NEDD4L: variants seen among roughly 807,000 people sequenced by gnomAD.
NEDD4L encodes E3 ubiquitin-protein ligase NEDD4-like.
NEDD4L carries 54 observed loss-of-function variants against 148.9 expected under a neutral mutation model. The ratio of observed to expected loss-of-function variants is 0.36; its 90% CI spans 0.29 to 0.45. The LOEUF is 0.45. Among genes scored for constraint, NEDD4L ranks in the 20% least tolerant of loss-of-function variants. The pLI, the probability that NEDD4L is intolerant of heterozygous loss-of-function variation, is 1.00. For synonymous variants in NEDD4L, 433 were observed against 440.7 expected (o/e 0.98, Z 0.22); for missense variants, 856 against 1,233.8 (o/e 0.69, Z 4.59).
intron 1 of NEDD4L, among the ~76,000 whole-genome samples, chr18:58,055,148 G>A (rs1330403211): frequency 6.6e-6 from 1 of 152,104 alleles, no homozygotes; most frequent in Admixed American, 6.6e-5. Flanking sequence ...GTGGTTAAGT[G>A]TTTATATGTA....
intron 26 of NEDD4L, 54 bp from the exon 27 acceptor site, chr18:58,387,383 AAT>A: frequency 7.0e-7 from 1 of 1,426,638 alleles, no homozygotes; most frequent in South Asian, 1.4e-5. Flanking sequence ...TTTCCTGTGA[AAT>A]TTTTTTTTTT....
At chr18:58,200,076 AC>A (rs1488283400) in intron 2 of NEDD4L, among the ~76,000 whole-genome samples, 3 of 152,186 alleles carry the variant, frequency 2.0e-5, no homozygotes, top group African/African-American at 7.2e-5. Context: ...AGTCAATCTT[AC>A]TGTTTTCTTT....
At chr18:58,094,599 C>T (rs2084272107) in intron 1 of NEDD4L, among the ~76,000 whole-genome samples, 1 of 152,178 alleles carries the variant, frequency 6.6e-6, no homozygotes, top group Non-Finnish European at 1.5e-5. Flanking sequence ...CTGGAATACC[C>T]CCATTCTCCC....
intron 2 of NEDD4L, among the ~76,000 whole-genome samples, chr18:58,187,087 A>C (rs918538479): frequency 6.6e-6 from 1 of 152,246 alleles, no homozygotes; most frequent in Non-Finnish European, 1.5e-5. Context: ...AAGGCCACTC[A>C]GTAGGAAGGG....
At chr18:58,078,890 G>A (rs141079353) in intron 1 of NEDD4L, among the ~76,000 whole-genome samples, 5 of 152,254 alleles carry the variant, frequency 3.3e-5, no homozygotes, top group East Asian at 3.9e-4. Flanking sequence ...TGCAATGGGC[G>A]GAACTGGGCT....
intron 5 of NEDD4L, among the ~76,000 whole-genome samples, chr18:58,258,647 G>C (rs2048924890): frequency 6.6e-6 from 1 of 152,216 alleles, no homozygotes; most frequent in Non-Finnish European, 1.5e-5. Flanking sequence ...TTTTCTTGGA[G>C]AGTAAGTTCC....
chr18:58,387,403 A>C, intron 26 of NEDD4L, 36 bp from the exon 27 acceptor site: 1 of 1,499,196 alleles, frequency 6.7e-7, no homozygotes, highest in Non-Finnish European at 8.8e-7. Flanking sequence ...TTTTGAAGGC[A>C]ATAGGTGTTT....
chr18:58,294,293 G>T (rs1044591996), intron 5 of NEDD4L, among the ~76,000 whole-genome samples: 1 of 152,148 alleles, frequency 6.6e-6, no homozygotes, highest in African/African-American at 2.4e-5. Context: ...TCTTATCAAG[G>T]CTATTGAATT....
chr18:58,383,756 G>T (rs2048650344), intron 25 of NEDD4L, among the ~76,000 whole-genome samples: 1 of 152,202 alleles, frequency 6.6e-6, no homozygotes, highest in African/African-American at 2.4e-5. Flanking sequence ...TGGATAGGAA[G>T]AATTCAGCAT....
At chr18:58,208,594 T>C (rs2042204336) in intron 2 of NEDD4L, among the ~76,000 whole-genome samples, 1 of 152,244 alleles carries the variant, frequency 6.6e-6, no homozygotes, top group African/African-American at 2.4e-5. Context: ...CAGCTTTGCT[T>C]CTGGCCTTAG....
Position 58,309,270 on chromosome 18 carries a change from C to T in NEDD4L, c.298-6712C>T, listed in dbSNP as rs190378438. Among the ~76,000 whole-genome samples, 82 of 152,316 alleles carry T rather than the reference C, an allele frequency of 5.4e-4. 1 individual carries two copies. The highest frequency in any genetic ancestry group is 3.4e-3 in the Middle Eastern group (1 of 294). ...CAGCCGGATGCTCCCGTGCTGGCCA[C>T]TCCTGTCATCCCTGCTCTGTCCTCC... On this transcript the variant is annotated intron_variant, in intron 5 of 30. Transcript: ENST00000400345.
chr18:58,106,064 G>A (rs1411741688), intron 1 of NEDD4L, among the ~76,000 whole-genome samples: 1 of 152,252 alleles, frequency 6.6e-6, no homozygotes, highest in Admixed American at 6.5e-5. Flanking sequence ...TCTTGGGCAG[G>A]CTGTTGATGT....
intron 2 of NEDD4L, among the ~76,000 whole-genome samples, chr18:58,189,573 C>A (rs2039870737): frequency 6.6e-6 from 1 of 152,172 alleles, no homozygotes; most frequent in South Asian, 2.1e-4. Context: ...GCCCTCAATT[C>A]CAATAACGAA....
Position 58,289,337 on chromosome 18 carries a change from A to T in NEDD4L, c.298-26645A>T, listed in dbSNP as rs78555823. On this transcript the variant is annotated intron_variant, in intron 5 of 30. Coordinates refer to ENST00000400345, the MANE Select transcript of NEDD4L (RefSeq NM_001144967.3). ...GCAGGTGGGAGGTTTCTGTCTCAGG[A>T]TTGCTGATACCCCTGCATGCTGCTG... Among the ~76,000 whole-genome samples, 880 of 152,208 alleles carry T rather than the reference A, an allele frequency of 5.8e-3. 8 individuals are homozygous for T. Among genetic ancestry groups the T allele is most frequent in the African/African-American group, 0.02 (829 of 41,538 alleles).
At chr18:58,148,879 CTGTATATT>C (rs1336886569) in intron 1 of NEDD4L, among the ~76,000 whole-genome samples, 1 of 152,228 alleles carries the variant, frequency 6.6e-6, no homozygotes, top group Admixed American at 6.5e-5. Context: ...AAAAGTGAAT[CTGTATATT>C]TGATACTTTA....
In NEDD4L at chr18:58,044,695, T is replaced by TGGAC; in HGVS notation, c.35_36insGGAC (p.Ser13AspfsTer20). ...GGGCTCGGGGAGCCGGTCTATGGACTTTCCGAAGACGAGGTGAGTGGCACC... is the reference window on the plus strand; with the variant it reads ...GGGCTCGGGGAGCCGGTCTATGGACTGGACTTCCGAAGACGAGGTGAGTGGCACC... On this transcript the variant is annotated frameshift_variant, in exon 1 of 31. Transcript: ENST00000400345. LOFTEE classifies it high-confidence loss of function. 1.2e-6 allele frequency: 2 copies of TGGAC among 1,608,478 alleles called. No homozygotes were observed. The highest frequency in any genetic ancestry group is 1.7e-6 in the Non-Finnish European group (2 of 1,177,464).
rs148440824 is a variant in NEDD4L, at chr18:58,085,596, A to G, written c.48+40888A>G. Among the ~76,000 whole-genome samples the G allele has an allele frequency of 7.2e-5, 11 of 152,338 alleles. No individual in the cohort carries two copies. In the East Asian group the frequency reaches 1.9e-3, roughly 27 times the overall value. ...ACGGAGGCATCTGAGATGATGTCAC[A>G]GTTTTGAACCTTATTTATAGAAGAA... is the stretch of plus-strand genomic sequence containing the variant. On this transcript the variant is annotated intron_variant, in intron 1 of 30. Transcript: ENST00000400345.
intron 1 of NEDD4L, among the ~76,000 whole-genome samples, chr18:58,143,603 G>A (rs2033788184): frequency 6.6e-6 from 1 of 152,176 alleles, no homozygotes; most frequent in African/African-American, 2.4e-5. Context: ...AGCGCAGCAG[G>A]ATGTTTATGT....
chr18:58,140,673 C>T (rs903433589), intron 1 of NEDD4L, among the ~76,000 whole-genome samples: 1 of 152,214 alleles, frequency 6.6e-6, no homozygotes, highest in African/African-American at 2.4e-5. Context: ...CTTTCCATAA[C>T]GTGGTGTATT....
Sources: allele counts gnomAD v4.1 joint callset (sites outside exome capture counted in the v4.1 genomes callset), GRCh38; gene constraint gnomAD v4.1.1; transcripts MANE v1.5; gene names NCBI Gene and HGNC (gene_info 2026-07-23, HGNC 2026-07-21).